AKAP13: variants seen among roughly 807,000 people sequenced by gnomAD.
The protein encoded by AKAP13 is A-kinase anchor protein 13.
Under a neutral mutation model 264.5 loss-of-function variants are expected in AKAP13, and 80 were observed. That is an observed-to-expected ratio of 0.30 (90% CI 0.25 to 0.36). The LOEUF (loss-of-function observed/expected upper bound fraction) is 0.36, where lower values mean the gene tolerates loss of function less well. Ranked by LOEUF, AKAP13 falls within the 10% of genes least tolerant of loss-of-function variation. The pLI, the probability that AKAP13 is intolerant of heterozygous loss-of-function variation, is 1.00. For missense variants in AKAP13, 3,712 were observed against 3,435.2 expected (o/e 1.08, Z -2.01); for synonymous variants, 1,380 against 1,250.2 (o/e 1.10, Z -2.19).
chr15:85,623,019 G>C (rs898756785), intron 8 of AKAP13, among the ~76,000 whole-genome samples: 5 of 152,102 alleles, frequency 3.3e-5, no homozygotes, highest in African/African-American at 1.2e-4. Context: ...TTTTAGCAAA[G>C]TTTTCTCACA....
At chr15:85,649,142 A>G (rs1259429307) in intron 10 of AKAP13, among the ~76,000 whole-genome samples, 5 of 152,238 alleles carry the variant, frequency 3.3e-5, no homozygotes, top group African/African-American at 4.8e-5. Context: ...TTTTTAAAAT[A>G]TTTGATCTCA....
At chr15:85,433,831 C>A (rs1170489654) in intron 1 of AKAP13, among the ~76,000 whole-genome samples, 1 of 151,920 alleles carries the variant, frequency 6.6e-6, no homozygotes, top group Non-Finnish European at 1.5e-5. Context: ...ATCCCAGCTA[C>A]TCGGGAGGCT....
intron 1 of AKAP13, among the ~76,000 whole-genome samples, chr15:85,451,023 G>A (rs2074069064): frequency 6.6e-6 from 1 of 152,170 alleles, no homozygotes; most frequent in African/African-American, 2.4e-5. Context: ...CTTGCTTTAT[G>A]ACTCTGGGTG....
At chr15:85,702,530 C>A in intron 17 of AKAP13, 1 of 152,002 alleles carries the variant, frequency 6.6e-6, no homozygotes. Flanking sequence ...TGCAGTTAGT[C>A]GTTTACCTCC....
intron 1 of AKAP13, among the ~76,000 whole-genome samples, chr15:85,399,548 A>AAATAAATAAATAAAT (rs1567038773): frequency 7.0e-6 from 1 of 142,490 alleles, no homozygotes; most frequent in Non-Finnish European, 1.6e-5. Flanking sequence ...ATAAATAAAT[A>AAATAAATAAATAAAT]AATAAATAAA....
intron 3 of AKAP13, among the ~76,000 whole-genome samples, chr15:85,525,080 A>G (rs1405380783): frequency 5.8e-5 from 7 of 120,088 alleles, no homozygotes; most frequent in Non-Finnish European, 1.0e-4. Flanking sequence ...TTTTTTTGAG[A>G]TGGAGTCTCG....
intron 2 of AKAP13, among the ~76,000 whole-genome samples, chr15:85,486,115 C>G (rs2075533338): frequency 1.3e-5 from 2 of 152,174 alleles, no homozygotes; most frequent in African/African-American, 2.4e-5. Context: ...TGTGATTTAC[C>G]TTATGTTGCC....
intron 1 of AKAP13, among the ~76,000 whole-genome samples, chr15:85,456,976 T>A (rs2074302976): frequency 6.6e-6 from 1 of 152,210 alleles, no homozygotes; most frequent in Non-Finnish European, 1.5e-5. Flanking sequence ...TTATCTACTG[T>A]GAGTCAGGCA....
chr15:85,500,263 C>G (rs2076005016), intron 2 of AKAP13, among the ~76,000 whole-genome samples: 2 of 152,140 alleles, frequency 1.3e-5, no homozygotes, highest in South Asian at 2.1e-4. Flanking sequence ...CGGATTTCAA[C>G]CACTGTAGCC....
At position 85,718,176 on chromosome 15, in the gene AKAP13, T is replaced by C. The variant is rs746760705; in HGVS notation, c.6001+17T>C. On this transcript the variant is annotated intron_variant, in intron 22 of 36. Transcript: ENST00000394518. The surrounding 1 kb of genome is among the most constrained non-coding windows in gnomAD (Gnocchi z 4.9). ...TAATATATGGTGAGAGTCTTCATTTTGCTCTGATTATATTTGATTTCCATT... is the reference window on the plus strand; with the variant it reads ...TAATATATGGTGAGAGTCTTCATTTCGCTCTGATTATATTTGATTTCCATT... 4.3e-6 allele frequency: 7 copies of C among 1,612,424 alleles called. No homozygotes were observed. In the African/African-American group the frequency reaches 9.3e-5, roughly 22 times the overall value.
At chr15:85,678,159 G>A (rs2084359450) in intron 14 of AKAP13, among the ~76,000 whole-genome samples, 1 of 152,138 alleles carries the variant, frequency 6.6e-6, no homozygotes, top group Admixed American at 6.5e-5. Flanking sequence ...AAGATTTCTA[G>A]AATATTCCAG....
intron 2 of AKAP13, among the ~76,000 whole-genome samples, chr15:85,486,308 A>G (rs1431052366): frequency 6.6e-6 from 1 of 152,126 alleles, no homozygotes; most frequent in Non-Finnish European, 1.5e-5. Flanking sequence ...ATCATATCTA[A>G]GAAGAATTCT....
intron 16 of AKAP13, 95 bp from the exon 17 acceptor site, chr15:85,693,182 C>A (rs1245327865): frequency 5.7e-6 from 8 of 1,411,860 alleles, no homozygotes; most frequent in Non-Finnish European, 7.3e-6. Context: ...AAATAGTCAC[C>A]AGCTGTTGTT....
intron 5 of AKAP13, among the ~76,000 whole-genome samples, chr15:85,573,073 A>ATGACAG (rs2078880396): frequency 6.6e-6 from 1 of 152,222 alleles, no homozygotes; most frequent in African/African-American, 2.4e-5. Context: ...TGAATTGTTA[A>ATGACAG]TGACAGACAG....
intron 1 of AKAP13, among the ~76,000 whole-genome samples, chr15:85,432,898 T>C (rs761506521): frequency 1.2e-4 from 18 of 152,154 alleles, no homozygotes; most frequent in South Asian, 4.2e-4. Flanking sequence ...ATCTCCTTTC[T>C]CTGCCACCTC....
At position 85,707,860 on chromosome 15, in the gene AKAP13, G is replaced by C. The variant is rs369711004; in HGVS notation, c.5465-159G>C. Among the ~76,000 whole-genome samples the C allele has an allele frequency of 9.9e-5, 15 of 151,964 alleles. No homozygotes were observed. The South Asian group carries it at 1.0e-3, about 11-fold the overall frequency. ...CTCCTCCAAATAACATCACAGACCT[G>C]CTTCCTAGAAGAGGACTGCAGTGTG... On this transcript the variant is annotated intron_variant, in intron 17 of 36. Transcript: ENST00000394518.
intron 33 of AKAP13, among the ~76,000 whole-genome samples, chr15:85,739,647 A>G (rs529138093): frequency 6.6e-6 from 1 of 152,306 alleles, no homozygotes; most frequent in East Asian, 1.9e-4. Flanking sequence ...TTTCAAGATT[A>G]GAAAACAGTT....
intron 8 of AKAP13, among the ~76,000 whole-genome samples, chr15:85,628,655 C>A (rs1337882051): frequency 6.9e-6 from 1 of 145,420 alleles, no homozygotes; most frequent in African/African-American, 2.7e-5. Flanking sequence ...ACAGAGCCAA[C>A]AACAAACAAA....
At position 85,711,621 on chromosome 15, in the gene AKAP13, G is replaced by A. The variant is rs11635543; in HGVS notation, c.5599+976G>A. Among the ~76,000 whole-genome samples the A allele has an allele frequency of 2.9e-3, 442 of 152,284 alleles. 1 individual carries two copies. Among genetic ancestry groups the A allele is most frequent in the Middle Eastern group, 6.8e-3 (2 of 294 alleles). On this transcript the variant is annotated intron_variant, in intron 19 of 36. Coordinates refer to ENST00000394518, the MANE Select transcript of AKAP13 (RefSeq NM_007200.5). Reference sequence around the variant, plus strand: ...ATTTCACATTTAAAGTTCCCCTAGAGACAGAATATTTACTTTGCTTCCAGC... The same window carrying A: ...ATTTCACATTTAAAGTTCCCCTAGAAACAGAATATTTACTTTGCTTCCAGC...
Sources: gnomAD v4.1 joint callset for allele counts (sites outside exome capture counted in the v4.1 genomes callset) on GRCh38, gnomAD v4.1.1 for gene constraint, Gnocchi (gnomAD v3.1) non-coding constraint, MANE v1.5 for transcripts, NCBI Gene and HGNC (gene_info 2026-07-23, HGNC 2026-07-21) for gene names.